MAPK12: variants seen among roughly 807,000 people sequenced by gnomAD.
The protein encoded by MAPK12 is mitogen-activated protein kinase 12, also known as MAP kinase 12.
In MAPK12, 49 loss-of-function variants were observed where a neutral mutation model predicts 49.1. The observed-to-expected ratio is 1.00, with a 90% confidence interval of 0.79 to 1.27. The LOEUF is 1.27. Among genes scored for constraint, MAPK12 ranks in the 50% most tolerant of loss-of-function variants. The pLI, the probability that MAPK12 is intolerant of heterozygous loss-of-function variation, is 0.00. For synonymous variants in MAPK12, 251 were observed against 209.7 expected, an observed-to-expected ratio of 1.20 and a Z score of -1.70; for missense variants, 554 against 502.4, an observed-to-expected ratio of 1.10 and a Z score of -0.98.
chr22:50,255,701 C>T lies in MAPK12; in HGVS notation c.692-7G>A, dbSNP rs1012182941. ...TCCTTCAGCTGGTCCAGGTCTGCACCGAGGTCAGGAACACAGCTCGGGGGC... is the reference window on the plus strand; with the variant it reads ...TCCTTCAGCTGGTCCAGGTCTGCACTGAGGTCAGGAACACAGCTCGGGGGC... On this transcript the variant is annotated splice_region_variant and splice_polypyrimidine_tract_variant and intron_variant, in intron 8 of 11. Transcript: ENST00000215659. 14 of 1,609,808 alleles carry T rather than the reference C, an allele frequency of 8.7e-6. No homozygotes were observed. The highest frequency in any genetic ancestry group is 1.6e-4 in the Middle Eastern group (1 of 6,084).
At chr22:50,254,544 C>T (rs889409148) in intron 11 of MAPK12, 4 of 647,154 alleles carry the variant, frequency 6.2e-6, no homozygotes, top group Non-Finnish European at 7.7e-6. Flanking sequence ...CCCGGCTACT[C>T]GGGAGGCTGA....
intron 2 of MAPK12, among the ~76,000 whole-genome samples, chr22:50,260,243 T>G (rs147318904): frequency 5.2e-4 from 9 of 17,282 alleles, no homozygotes; most frequent in Non-Finnish European, 8.9e-4. Context: ...ACTTTGCTGG[T>G]GGACGGGGCA....
chr22:50,255,374 CG>C lies in MAPK12; in HGVS notation c.851-5del. On this transcript the variant is annotated splice_polypyrimidine_tract_variant and splice_region_variant and intron_variant, in intron 10 of 11. Coordinates refer to ENST00000215659, the MANE Select transcript of MAPK12 (RefSeq NM_002969.6). ...ATCTTCTCCAGGAGGTTCACAGCTG[CG>C]GGGGAAGGTGCATCAGGCCAGACCA... is the stretch of plus-strand genomic sequence containing the variant. The C allele has an allele frequency of 1.2e-6, 2 of 1,612,914 alleles. No homozygotes were observed. Among genetic ancestry groups the C allele is most frequent in the Non-Finnish European group, 1.7e-6 (2 of 1,179,748 alleles).
Position 50,261,585 on chromosome 22 carries a change from G to C in MAPK12, c.-76C>G, listed in dbSNP as rs2065214952. The C allele has an allele frequency of 9.8e-7, 1 of 1,018,120 alleles. No homozygotes were observed. Among genetic ancestry groups the C allele is most frequent in the Non-Finnish European group, 1.2e-6 (1 of 853,152 alleles). 63.1% of individuals were successfully genotyped at this position (1,018,120 alleles called of 1,614,324 possible). The stretch of plus-strand genomic sequence containing the variant: ...CGACCGGGGACGGGGCTCCCTCGGC[G>C]CGCGCCTCGGGCCGGCTCCGCGCCG... On this transcript the variant is annotated 5_prime_UTR_variant, in exon 1 of 12. Transcript: ENST00000215659.
chr22:50,255,801 G>A lies in MAPK12; in HGVS notation c.691+9C>T, dbSNP rs1245630571. The A allele has an allele frequency of 1.2e-6, 2 of 1,612,464 alleles. No homozygotes were observed. Among genetic ancestry groups the A allele is most frequent in the Non-Finnish European group, 1.7e-6 (2 of 1,179,998 alleles). ...CCGCCCCTGGTGCCGCCCTGCGGCTGGAGGATACGGTCGCTGCCCTTGAAC... is the reference window on the plus strand; with the variant it reads ...CCGCCCCTGGTGCCGCCCTGCGGCTAGAGGATACGGTCGCTGCCCTTGAAC... On this transcript the variant is annotated intron_variant, in intron 8 of 11. Coordinates refer to ENST00000215659, the MANE Select transcript of MAPK12 (RefSeq NM_002969.6).
chr22:50,259,192 G>A lies in MAPK12; in HGVS notation c.256-891C>T, dbSNP rs555153580. On this transcript the variant is annotated intron_variant, in intron 2 of 11. Coordinates refer to ENST00000215659, the MANE Select transcript of MAPK12 (RefSeq NM_002969.6). ...GGAAGGACAGCTCCGCCGGAGCCAC[G>A]TGGGCCAGAGCCATGGGCAAGAATG... Among the ~76,000 whole-genome samples, 22 of 152,332 alleles carry A rather than the reference G, an allele frequency of 1.4e-4. No homozygotes were observed. The South Asian group carries it at 3.3e-3, about 23-fold the overall frequency.
At chr22:50,259,978 G>A (rs1913353332) in intron 2 of MAPK12, among the ~76,000 whole-genome samples, 1 of 146,462 alleles carries the variant, frequency 6.8e-6, no homozygotes, top group Non-Finnish European at 1.5e-5. Flanking sequence ...GGGGGCCGTG[G>A]GGAAGGCTGC....
chr22:50,260,248 G>A (rs1438786283), intron 2 of MAPK12, among the ~76,000 whole-genome samples: 1 of 151,110 alleles, frequency 6.6e-6, no homozygotes, highest in Non-Finnish European at 1.5e-5. Context: ...GCTGGTGGAC[G>A]GGGCACTTTG....
chr22:50,254,990 A>T, intron 11 of MAPK12: 1 of 1,451,076 alleles, frequency 6.9e-7, no homozygotes, highest in Non-Finnish European at 9.1e-7. Context: ...TCCTCACCTG[A>T]CCTGCATCCC....
Position 50,253,281 on chromosome 22 carries a change from G to A in MAPK12, c.*120C>T, listed in dbSNP as rs1041249879. 1.4e-4 allele frequency: 112 copies of A among 773,466 alleles called. No homozygotes were observed. The highest frequency in any genetic ancestry group is 1.9e-4 in the African/African-American group (11 of 58,368). 47.9% of individuals were successfully genotyped at this position (773,466 alleles called of 1,614,324 possible). ...GGAGGAGGGTCCATGGAACCCGGGCGTCTGCTCTGATGGATGCCTTGGGAT... is the reference window on the plus strand; with the variant it reads ...GGAGGAGGGTCCATGGAACCCGGGCATCTGCTCTGATGGATGCCTTGGGAT... On this transcript the variant is annotated 3_prime_UTR_variant, in exon 12 of 12. Transcript: ENST00000215659.
Position 50,257,824 on chromosome 22 carries a change from C to T in MAPK12, c.314+419G>A, listed in dbSNP as rs905809136. 4.3e-5 allele frequency: 31 copies of T among 719,360 alleles called. No homozygotes were observed. In the African/African-American group the frequency reaches 4.5e-4, roughly 11 times the overall value. 44.6% of individuals were successfully genotyped at this position (719,360 alleles called of 1,614,324 possible). ...GACAGGGTGTGAGTCCCAGGGTGGT[C>T]GGCTGCAGGGCAGGGGCAGGGTGGG... On this transcript the variant is annotated intron_variant, in intron 3 of 11. Transcript: ENST00000215659.
chr22:50,253,320 A>C lies in MAPK12; in HGVS notation c.*81T>G, dbSNP rs2065117151. The C allele has an allele frequency of 5.7e-6, 6 of 1,043,754 alleles. No homozygotes were observed. The highest frequency in any genetic ancestry group is 7.3e-6 in the Non-Finnish European group (5 of 684,554). 64.7% of individuals were successfully genotyped at this position (1,043,754 alleles called of 1,614,324 possible). A position where few individuals can be genotyped will look rare whatever the true frequency, so the allele number is the denominator to read the frequency against. On this transcript the variant is annotated 3_prime_UTR_variant, in exon 12 of 12. Coordinates refer to ENST00000215659, the MANE Select transcript of MAPK12 (RefSeq NM_002969.6). ...ATGCCTTGGGATGCAAGCCCCAGCC[A>C]AGGTCAAGGTGGCAACGAGAGTCCC...
Position 50,261,615 on chromosome 22 carries a change from T to C in MAPK12, c.-106A>G, listed in dbSNP as rs1358076134. 1 of 960,444 alleles carries C rather than the reference T, an allele frequency of 1.0e-6. No individual in the cohort carries two copies. The highest frequency in any genetic ancestry group is 1.2e-6 in the Non-Finnish European group (1 of 813,580). The allele number at this position is 960,444 out of a possible 1,614,324, so 59.5% of individuals were successfully genotyped here. A position where few individuals can be genotyped will look rare whatever the true frequency, so the allele number is the denominator to read the frequency against. On this transcript the variant is annotated 5_prime_UTR_variant, in exon 1 of 12. Coordinates refer to ENST00000215659, the MANE Select transcript of MAPK12 (RefSeq NM_002969.6). ...CCTCGGGCCGGCTCCGCGCCGCTCG[T>C]CCGCTCGCCCGCCCGCCCGCCGGCC...
At chr22:50,257,326 C>T (rs1045227215) in intron 3 of MAPK12, 133 bp from the exon 4 acceptor site, 2 of 666,844 alleles carry the variant, frequency 3.0e-6, no homozygotes, top group South Asian at 1.6e-5. Context: ...CTGCAGCACA[C>T]ATCCACACTG....
chr22:50,259,025 C>T (rs1385975140), intron 2 of MAPK12, among the ~76,000 whole-genome samples: 1 of 152,198 alleles, frequency 6.6e-6, no homozygotes, highest in Non-Finnish European at 1.5e-5. Flanking sequence ...CAGAGGGAGC[C>T]GGCAGGGCAG....
intron 3 of MAPK12, 131 bp downstream of exon 3, chr22:50,258,112 G>A (rs2065170389): frequency 1.2e-6 from 1 of 835,210 alleles, no homozygotes. Context: ...GTATGGGGAG[G>A]GGGTGGGCGG....
chr22:50,259,500 G>A (rs565560400), intron 2 of MAPK12, among the ~76,000 whole-genome samples: 9 of 152,274 alleles, frequency 5.9e-5, no homozygotes, highest in African/African-American at 9.6e-5. Flanking sequence ...GGGTTCCAGG[G>A]AAAGAGCCTC....
chr22:50,254,555 G>A (rs2147254385), intron 11 of MAPK12: 1 of 731,744 alleles, frequency 1.4e-6, no homozygotes, highest in Admixed American at 6.1e-5. Flanking sequence ...GGGAGGCTGA[G>A]GCAGGAGAAC....
chr22:50,255,533 T>G lies in MAPK12; in HGVS notation c.772-2A>C. 1 of 1,613,182 alleles carries G rather than the reference T, an allele frequency of 6.2e-7. No homozygotes were observed. The highest frequency in any genetic ancestry group is 8.5e-7 in the Non-Finnish European group (1 of 1,180,010). On this transcript the variant is annotated splice_acceptor_variant, in intron 9 of 11. Coordinates refer to ENST00000215659, the MANE Select transcript of MAPK12 (RefSeq NM_002969.6). LOFTEE classifies it high-confidence loss of function. ...GAGGCCCTTCATGTAGTTCTTGGCC[T>G]GTGTGGGAAGAAAGGGTGAGGGGCC...
Sources: allele counts gnomAD v4.1 joint callset (sites outside exome capture counted in the v4.1 genomes callset), GRCh38; gene constraint gnomAD v4.1.1; transcripts MANE v1.5; gene names NCBI Gene and HGNC (gene_info 2026-07-23, HGNC 2026-07-21).